CENPP: variants seen among roughly 807,000 people sequenced by gnomAD.
CENPP encodes the protein centromere protein P.
Under a neutral mutation model 35.6 loss-of-function variants are expected in CENPP, and 24 were observed. The observed-to-expected ratio is 0.67, with a 90% CI of 0.49 to 0.95. The LOEUF is 0.95. Ranked by LOEUF, CENPP falls within the 40% of genes least tolerant of loss-of-function variation. The pLI is 0.00. For synonymous variants in CENPP, 120 were observed against 125.5 expected (o/e 0.96, Z 0.29); for missense variants, 332 against 345.3 (o/e 0.96, Z 0.31).
intron 5 of CENPP, among the ~76,000 whole-genome samples, chr9:92,386,999 G>T (rs1842451125): frequency 7.0e-6 from 1 of 142,658 alleles, no homozygotes; most frequent in Middle Eastern, 3.6e-3. Context: ...AGTGAGCTGA[G>T]ATCGCACCAC....
intron 5 of CENPP, chr9:92,416,675 G>A (rs1370165106): frequency 6.2e-7 from 1 of 1,609,700 alleles, no homozygotes; most frequent in African/African-American, 1.3e-5. Flanking sequence ...AATATAGAAT[G>A]CTTGCTTCAA....
At chr9:92,610,654 A>G (rs1329355945) in intron 5 of CENPP, 1 of 152,222 alleles carries the variant, frequency 6.6e-6, no homozygotes, top group Non-Finnish European at 1.5e-5. Flanking sequence ...TTGACCATAA[A>G]ATGCCGTCTC....
chr9:92,343,003 C>G (rs986195927), intron 3 of CENPP, among the ~76,000 whole-genome samples: 3 of 152,106 alleles, frequency 2.0e-5, no homozygotes, highest in Non-Finnish European at 4.4e-5. Flanking sequence ...ACACAGCAAC[C>G]TTGTGTGTTC....
intron 3 of CENPP, chr9:92,339,812 G>A (rs1841052222): frequency 6.5e-6 from 1 of 153,730 alleles, no homozygotes; most frequent in African/African-American, 2.4e-5. Flanking sequence ...GACAACCTGT[G>A]CCACCACCCC....
chr9:92,514,312 G>A (rs1405432628), intron 5 of CENPP, among the ~76,000 whole-genome samples: 1 of 144,942 alleles, frequency 6.9e-6, no homozygotes, highest in African/African-American at 2.6e-5. Flanking sequence ...TCTCGCTCAA[G>A]TGCCCAGGCT....
Position 92,616,136 on chromosome 9 carries a change from C to T in CENPP, c.*2987C>T, listed in dbSNP as rs1445461283. 12 of 924,336 alleles carry T rather than the reference C, an allele frequency of 1.3e-5. No homozygotes were observed. The highest frequency in any genetic ancestry group is 1.5e-5 in the Non-Finnish European group (9 of 600,646). The allele number at this position is 924,336 out of a possible 1,614,324, so 57.3% of individuals were successfully genotyped here. Reference sequence around the variant, plus strand: ...CCCTCCCGTTCTCTCTCCCTTTCTTCTTTCAACTAGTATGTTTTTATGTTT... The same window carrying T: ...CCCTCCCGTTCTCTCTCCCTTTCTTTTTTCAACTAGTATGTTTTTATGTTT... On this transcript the variant is annotated 3_prime_UTR_variant, in exon 8 of 8. Transcript: ENST00000375587.
chr9:92,610,405 T>C (rs1564020808), intron 5 of CENPP: 1 of 152,226 alleles, frequency 6.6e-6, no homozygotes, highest in South Asian at 2.1e-4. Flanking sequence ...ATTACTCTTA[T>C]CAGTTTTGAA....
chr9:92,541,794 T>G (rs190643212), intron 5 of CENPP, among the ~76,000 whole-genome samples: 28 of 152,060 alleles, frequency 1.8e-4, no homozygotes, highest in South Asian at 6.2e-4. Context: ...TGATTTTATT[T>G]CCTTTTTTGT....
chr9:92,356,861 C>T (rs537782446), intron 4 of CENPP, among the ~76,000 whole-genome samples: 3 of 152,308 alleles, frequency 2.0e-5, no homozygotes, highest in East Asian at 1.9e-4. Flanking sequence ...GTTCCTCTGC[C>T]GCAGCTCCAG....
chr9:92,465,034 C>A (rs755024270), intron 5 of CENPP: 1 of 1,588,414 alleles, frequency 6.3e-7, no homozygotes, highest in Admixed American at 1.7e-5. Flanking sequence ...TCATTTCTGT[C>A]AGGGGAGAAT....
chr9:92,471,807 G>A (rs1301099614), intron 5 of CENPP, among the ~76,000 whole-genome samples: 1 of 151,452 alleles, frequency 6.6e-6, no homozygotes, highest in Non-Finnish European at 1.5e-5. Context: ...GCTAGGATGT[G>A]TACCACCATG....
intron 5 of CENPP, among the ~76,000 whole-genome samples, chr9:92,480,776 T>C (rs1180312409): frequency 6.6e-6 from 1 of 152,180 alleles, no homozygotes; most frequent in Non-Finnish European, 1.5e-5. Context: ...CAGTAGCAGA[T>C]TTCAGCATAT....
intron 5 of CENPP, chr9:92,404,807 A>AAT: frequency 6.0e-6 from 2 of 335,256 alleles, no homozygotes; most frequent in Non-Finnish European, 9.6e-6. Context: ...TGTGTAATAA[A>AAT]CATTCATGTT....
rs189083768 is a variant in CENPP at position 92,396,086 on chromosome 9, G to A, written c.564+16227G>A. On this transcript the variant is annotated intron_variant, in intron 5 of 7. Coordinates refer to ENST00000375587, the MANE Select transcript of CENPP (RefSeq NM_001012267.3). ...TTTTTTGAAAAATTTTCCTACAGTT[G>A]TCTGGTTCTTTCAGCACCGTTTTTT... Among the ~76,000 whole-genome samples the A allele has an allele frequency of 6.1e-3, 933 of 152,182 alleles. 10 individuals carry two copies. Among genetic ancestry groups the A allele is most frequent in the Non-Finnish European group, 9.5e-3 (644 of 67,994 alleles).
intron 5 of CENPP, among the ~76,000 whole-genome samples, chr9:92,437,521 C>T (rs1401781365): frequency 6.6e-6 from 1 of 151,180 alleles, no homozygotes; most frequent in African/African-American, 2.4e-5. Context: ...GTAATCCTCC[C>T]ACCTCAGCTT....
At chr9:92,432,466 A>T (rs1002945534) in intron 5 of CENPP, among the ~76,000 whole-genome samples, 1 of 152,200 alleles carries the variant, frequency 6.6e-6, no homozygotes, top group Admixed American at 6.5e-5. Context: ...TCTTTCTCCC[A>T]GTTAGCTCCT....
At chr9:92,417,459 C>T in intron 5 of CENPP, 1 of 1,613,874 alleles carries the variant, frequency 6.2e-7, no homozygotes, top group Non-Finnish European at 8.5e-7. Flanking sequence ...TCATCTGGCT[C>T]TTGGTCATAG....
chr9:92,584,839 T>C (rs906147280), intron 5 of CENPP, among the ~76,000 whole-genome samples: 1 of 152,262 alleles, frequency 6.6e-6, no homozygotes, highest in Non-Finnish European at 1.5e-5. Context: ...CATTAATTCC[T>C]TTTACATTTT....
intron 4 of CENPP, among the ~76,000 whole-genome samples, chr9:92,348,435 C>CA (rs1368739440): frequency 6.6e-6 from 1 of 150,452 alleles, no homozygotes; most frequent in African/African-American, 2.4e-5. Context: ...TCTTTTTGCC[C>CA]AGGCTGGAGT....
Sources: allele counts gnomAD v4.1 joint callset (sites outside exome capture counted in the v4.1 genomes callset), GRCh38; gene constraint gnomAD v4.1.1; transcripts MANE v1.5; gene names NCBI Gene and HGNC (gene_info 2026-07-23, HGNC 2026-07-21).